Variants in CRACDL observed in about 807,000 individuals in gnomAD.
The protein encoded by CRACDL is CRACD like, also known as CRACD-like protein.
CRACDL carries 26 observed loss-of-function variants against 70.6 expected under a neutral mutation model. That is an observed-to-expected ratio of 0.37 (90% CI 0.27 to 0.51). CRACDL has a LOEUF of 0.51. Among genes scored for constraint, CRACDL ranks in the 20% least tolerant of loss-of-function variants. CRACDL has a pLI of 0.94. For synonymous variants in CRACDL, 618 were observed against 615.2 expected, an observed-to-expected ratio of 1.00 and a Z score of -0.07; for missense variants, 1,283 against 1,376.9, an observed-to-expected ratio of 0.93 and a Z score of 1.08.
At chr2:98,850,071 C>T (rs548396982) in intron 1 of CRACDL, among the ~76,000 whole-genome samples, 3 of 152,342 alleles carry the variant, frequency 2.0e-5, no homozygotes, top group Non-Finnish European at 2.9e-5. Context: ...CACACATGCC[C>T]GGCATGCCCT....
chr2:98,871,045 G>A (rs766474924), intron 1 of CRACDL, among the ~76,000 whole-genome samples: 17 of 152,152 alleles, frequency 1.1e-4, no homozygotes, highest in African/African-American at 2.2e-4. Flanking sequence ...CCCCTCCACC[G>A]CCTCCCAGCA....
chr2:98,823,374 G>T lies in CRACDL; in HGVS notation c.899C>A (p.Pro300Gln). 1 of 1,533,576 alleles carries T rather than the reference G, an allele frequency of 6.5e-7. No homozygotes were observed. Among genetic ancestry groups the T allele is most frequent in the Non-Finnish European group, 8.7e-7 (1 of 1,147,526 alleles). The allele number at this position is 1,533,576 out of a possible 1,614,324, so 95.0% of individuals were successfully genotyped here. A position where few individuals can be genotyped will look rare whatever the true frequency, so the allele number is the denominator to read the frequency against. The change falls in exon 7 of 10, where the codon CCG (proline) becomes CAG (glutamine). Residue 300 changes from proline (P) to glutamine (Q), a missense_variant. Coordinates refer to ENST00000397899, the MANE Select transcript of CRACDL (RefSeq NM_207362.3). This position sits in a 1 kb window ranked among gnomAD's most constrained non-coding sequence, Gnocchi z 4.0. ...TCTGGCACGGGCCCCTCCGGGTGGC[G>T]GCAAGGGCGCCGGTGGCCCAGGCTC... is the stretch of plus-strand genomic sequence containing the variant. ...GPEPGPPAPL[P>Q]PPGGARARRA...
chr2:98,822,910 C>T lies in CRACDL; in HGVS notation c.1363G>A (p.Gly455Arg), dbSNP rs763994480. The T allele has an allele frequency of 8.8e-6, 13 of 1,474,128 alleles. No homozygotes were observed. The highest frequency in any genetic ancestry group is 9.8e-6 in the Non-Finnish European group (11 of 1,122,720). 91.3% of individuals were successfully genotyped at this position (1,474,128 alleles called of 1,614,324 possible). The change falls in exon 7 of 10, where the codon GGG becomes AGG. Residue 455 changes from glycine (G) to arginine (R), a missense_variant. Gly to Arg is a moderately radical substitution (Grantham distance 125, BLOSUM62 -2). Around this residue, in one of 2 missense-constraint regions of CRACDL, gnomAD observed 921 missense variants for 881.9 expected, o/e 1.04. Coordinates refer to ENST00000397899, the MANE Select transcript of CRACDL (RefSeq NM_207362.3). The surrounding 1 kb of genome is among the most constrained non-coding windows in gnomAD (Gnocchi z 4.9). ...TCTCTCTCGGGCTCAGGCGCCGGCC[C>T]TGGGGGCCCCTTCTCCTCATCCGGG... Reference protein sequence around the residue: ...VLPDEEKGPPGPAPEPEREAE... With the variant: ...VLPDEEKGPPRPAPEPEREAE...
At chr2:98,810,271 T>C (rs566426962) in intron 7 of CRACDL, among the ~76,000 whole-genome samples, 1 of 152,162 alleles carries the variant, frequency 6.6e-6, no homozygotes, top group Admixed American at 6.5e-5. Context: ...CTGCAGGAGA[T>C]GTTGGAGGGA....
chr2:98,899,955 A>G lies in CRACDL; in HGVS notation c.-11+35983T>C, dbSNP rs553425478. Among the ~76,000 whole-genome samples, 5 of 138,276 alleles carry G rather than the reference A, an allele frequency of 3.6e-5. No individual in the cohort carries two copies. The South Asian group carries it at 1.3e-3, about 35-fold the overall frequency. The allele number at this position is 138,276 out of a possible 152,430, so 90.7% of individuals were successfully genotyped here. A position where few individuals can be genotyped will look rare whatever the true frequency, so the allele number is the denominator to read the frequency against. ...GCTCAGTAGGAGGGGAGGCAGATGG[A>G]CAGAGGCTCAGTAGGAGGGGACACA... On this transcript the variant is annotated intron_variant, in intron 1 of 9. Coordinates refer to ENST00000397899, the MANE Select transcript of CRACDL (RefSeq NM_207362.3).
At chr2:98,840,604 C>T (rs932212415) in intron 2 of CRACDL, 3 of 152,094 alleles carry the variant, frequency 2.0e-5, no homozygotes, top group Non-Finnish European at 4.4e-5. Flanking sequence ...AAAATAACCC[C>T]ACTCTGCTTA....
chr2:98,817,872 C>A (rs1704848195), intron 7 of CRACDL, among the ~76,000 whole-genome samples: 1 of 152,056 alleles, frequency 6.6e-6, no homozygotes, highest in African/African-American at 2.4e-5. Flanking sequence ...GTTTCTTGCA[C>A]TACCTTCCAA....
chr2:98,901,023 T>C (rs1708266858), intron 1 of CRACDL, among the ~76,000 whole-genome samples: 1 of 152,150 alleles, frequency 6.6e-6, no homozygotes, highest in African/African-American at 2.4e-5. Context: ...CAGAAAGCGA[T>C]TCTGCAAGCA....
At chr2:98,893,377 G>A (rs1708029565) in intron 1 of CRACDL, among the ~76,000 whole-genome samples, 1 of 152,060 alleles carries the variant, frequency 6.6e-6, no homozygotes, top group South Asian at 2.1e-4. Context: ...TCCGTCTCCT[G>A]GGTTCACGCC....
intron 7 of CRACDL, among the ~76,000 whole-genome samples, chr2:98,806,827 T>C (rs1376047053): frequency 6.6e-6 from 1 of 152,210 alleles, no homozygotes; most frequent in Non-Finnish European, 1.5e-5. Flanking sequence ...TGTCTCCCCA[T>C]CTCAGATCTC....
At chr2:98,874,808 A>G (rs1338380940) in intron 1 of CRACDL, among the ~76,000 whole-genome samples, 1 of 152,182 alleles carries the variant, frequency 6.6e-6, no homozygotes, top group Non-Finnish European at 1.5e-5. Flanking sequence ...GTTTCTACAA[A>G]GAAAGTCCCA....
At position 98,822,911 on chromosome 2, in the gene CRACDL, T is replaced by C. The variant is rs751328093; in HGVS notation, c.1362A>G (p.Pro454=). ...PVLPDEEKGP[P]GPAPEPEREA... Reference sequence around the variant, plus strand: ...CTCTCTCGGGCTCAGGCGCCGGCCCTGGGGGCCCCTTCTCCTCATCCGGGA... The same window carrying C: ...CTCTCTCGGGCTCAGGCGCCGGCCCCGGGGGCCCCTTCTCCTCATCCGGGA... Residue 454 remains proline, a synonymous_variant, in exon 7 of 10, where the codon CCA becomes CCG. Coordinates refer to ENST00000397899, the MANE Select transcript of CRACDL (RefSeq NM_207362.3). This position sits in a 1 kb window ranked among gnomAD's most constrained non-coding sequence, Gnocchi z 4.9. The C allele has an allele frequency of 4.8e-6, 7 of 1,473,082 alleles. No homozygotes were observed. In the South Asian group the frequency reaches 9.5e-5, roughly 20 times the overall value. The allele number at this position is 1,473,082 out of a possible 1,614,324, so 91.3% of individuals were successfully genotyped here. A position where few individuals can be genotyped will look rare whatever the true frequency, so the allele number is the denominator to read the frequency against.
rs138517507 is a variant in CRACDL at position 98,817,265 on chromosome 2, C to T, written c.2416+4592G>A. ...AGTTTCAGTTATGTTAAGAAGAGTA[C>T]GTTCTAGAGATCTGCTCTATAACAC... is the stretch of plus-strand genomic sequence containing the variant. On this transcript the variant is annotated intron_variant, in intron 7 of 9. Transcript: ENST00000397899. 5.5e-3 allele frequency among the ~76,000 whole-genome samples: 843 copies of T among 152,230 alleles called. 3 individuals carry two copies. Among genetic ancestry groups the T allele is most frequent in the Non-Finnish European group, 9.1e-3 (619 of 68,014 alleles).
intron 1 of CRACDL, among the ~76,000 whole-genome samples, chr2:98,914,776 G>A (rs1471769573): frequency 6.6e-6 from 1 of 152,158 alleles, no homozygotes; most frequent in African/African-American, 2.4e-5. Flanking sequence ...AGGCTGGGCG[G>A]CTCCGGGCAC....
intron 1 of CRACDL, among the ~76,000 whole-genome samples, chr2:98,848,673 T>C (rs896472120): frequency 6.6e-6 from 1 of 152,190 alleles, no homozygotes; most frequent in Non-Finnish European, 1.5e-5. Flanking sequence ...ATCCTCAACC[T>C]CCTGGGCTCA....
chr2:98,832,906 C>A lies in CRACDL; in HGVS notation c.331G>T (p.Val111Leu). 1 of 1,614,200 alleles carries A rather than the reference C, an allele frequency of 6.2e-7. No homozygotes were observed. The highest frequency in any genetic ancestry group is 8.5e-7 in the Non-Finnish European group (1 of 1,180,018). ...TCACACACATTTTCTTGGGAAAACA[C>A]CCGCACAGGCCGAGTAGCGTCCTGT... ...SGQDATRPVRVFSQENVCDRI... is the reference protein window; with the variant it reads ...SGQDATRPVRLFSQENVCDRI... Residue 111 changes from valine to leucine, a missense_variant, in exon 4 of 10, where the codon GTG (valine) becomes TTG (leucine). Physicochemically the swap from Val to Leu is conservative, Grantham distance 32. This residue lies in a region of CRACDL where 362 missense variants were observed against 495.0 expected (regional missense o/e 0.73). Transcript: ENST00000397899.
At chr2:98,826,906 T>TGTG in intron 6 of CRACDL, 69 bp downstream of exon 6, 1 of 1,019,024 alleles carries the variant, frequency 9.8e-7, no homozygotes, top group Non-Finnish European at 1.4e-6. Flanking sequence ...TGAGGCAGGT[T>TGTG]GGGGGGGGGC....
chr2:98,810,023 C>T (rs1446105868), intron 7 of CRACDL, among the ~76,000 whole-genome samples: 1 of 152,168 alleles, frequency 6.6e-6, no homozygotes, highest in African/African-American at 2.4e-5. Context: ...GTCTTACCAC[C>T]CAGCCCCTGC....
At chr2:98,809,417 C>A (rs769781983) in intron 7 of CRACDL, among the ~76,000 whole-genome samples, 1 of 152,040 alleles carries the variant, frequency 6.6e-6, no homozygotes. Context: ...TGTGGTGGTC[C>A]TGTCTGCCCC....
Sources: allele counts gnomAD v4.1 joint callset (sites outside exome capture counted in the v4.1 genomes callset), GRCh38; gene constraint gnomAD v4.1.1; regional missense constraint gnomAD v4.1.1; non-coding constraint Gnocchi (gnomAD v3.1); transcripts MANE v1.5; gene names NCBI Gene and HGNC (gene_info 2026-07-23, HGNC 2026-07-21).